THSD4: variants seen among roughly 807,000 people sequenced by gnomAD.
THSD4 encodes the protein thrombospondin type 1 domain containing 4, also known as thrombospondin type-1 domain-containing protein 4.
In THSD4, 69 loss-of-function variants were observed where a neutral mutation model predicts 119.0. That is an observed-to-expected ratio of 0.58 (90% confidence interval 0.48 to 0.71). THSD4 has a LOEUF of 0.71. Ranked by LOEUF, THSD4 falls within the 30% of genes least tolerant of loss-of-function variation. The pLI is 0.00. For missense variants in THSD4, 1,393 were observed against 1,391.1 expected (o/e 1.00, Z -0.02); for synonymous variants, 524 against 540.4 (o/e 0.97, Z 0.42).
intron 7 of THSD4, among the ~76,000 whole-genome samples, chr15:71,488,944 T>A (rs1435142363): frequency 6.6e-6 from 1 of 152,318 alleles, no homozygotes; most frequent in African/African-American, 2.4e-5. Context: ...GTTTATTTCT[T>A]TTCTCTTTTC....
intron 8 of THSD4, among the ~76,000 whole-genome samples, chr15:71,670,437 T>G (rs1301208986): frequency 6.6e-6 from 1 of 151,108 alleles, no homozygotes; most frequent in African/African-American, 2.4e-5. Context: ...TGCATAGTAT[T>G]CCATGGTGTA....
intron 7 of THSD4, among the ~76,000 whole-genome samples, chr15:71,555,152 T>C (rs1304655101): frequency 6.6e-6 from 1 of 152,220 alleles, no homozygotes; most frequent in East Asian, 1.9e-4. Flanking sequence ...AGGTGCTTGC[T>C]AGAACTTCCA....
At chr15:71,544,938 T>C (rs535715868) in intron 7 of THSD4, among the ~76,000 whole-genome samples, 84 of 152,324 alleles carry the variant, frequency 5.5e-4, no homozygotes, top group African/African-American at 2.0e-3. Context: ...ATTCCACTTA[T>C]ATGAAGTACC....
intron 8 of THSD4, among the ~76,000 whole-genome samples, 171 bp from the exon 9 acceptor site, chr15:71,728,378 G>C (rs914193322): frequency 6.6e-6 from 1 of 152,186 alleles, no homozygotes; most frequent in African/African-American, 2.4e-5. Flanking sequence ...AAGCCCAAGG[G>C]GATGTAATCT....
intron 3 of THSD4, among the ~76,000 whole-genome samples, chr15:71,181,289 A>G (rs527250645): frequency 1.1e-4 from 17 of 152,374 alleles, no homozygotes; most frequent in African/African-American, 4.1e-4. Flanking sequence ...TATTAAGAAA[A>G]GAATTTCAGT....
chr15:71,619,288 A>G (rs192714515), intron 7 of THSD4, among the ~76,000 whole-genome samples: 2 of 152,226 alleles, frequency 1.3e-5, no homozygotes, highest in East Asian at 1.9e-4. Context: ...ATTATTTTCT[A>G]TATCTTTCTG....
chr15:71,413,319 C>CTAAA lies in THSD4; in HGVS notation c.1152+1497_1152+1498insAAAT, dbSNP rs552647474. 4.2e-3 allele frequency among the ~76,000 whole-genome samples: 638 copies of CTAAA among 152,340 alleles called. 6 individuals are homozygous for CTAAA. Among genetic ancestry groups the CTAAA allele is most frequent in the Non-Finnish European group, 7.1e-3 (480 of 68,036 alleles). ...TGAGCCACCGCACCCAGCTTCTACT[C>CTAAA]TTTTAGTTTTCTTAAAATATACAAT... is the stretch of plus-strand genomic sequence containing the variant. On this transcript the variant is annotated intron_variant, in intron 7 of 17. Transcript: ENST00000261862.
At chr15:71,584,166 G>C (rs771259630) in intron 7 of THSD4, among the ~76,000 whole-genome samples, 3 of 145,650 alleles carry the variant, frequency 2.1e-5, no homozygotes, top group Non-Finnish European at 4.5e-5. Context: ...GATTTTCTTT[G>C]TCTCTTTTGA....
intron 8 of THSD4, among the ~76,000 whole-genome samples, chr15:71,693,510 TGTA>T (rs1310330970): frequency 1.3e-5 from 2 of 152,034 alleles, no homozygotes; most frequent in East Asian, 1.9e-4. Context: ...AGCCAGGTGT[TGTA>T]GTGCACACCG....
At chr15:71,770,348 A>T (rs1450491234) in intron 16 of THSD4, among the ~76,000 whole-genome samples, 2 of 18,060 alleles carry the variant, frequency 1.1e-4, no homozygotes, top group African/African-American at 5.9e-4. Context: ...ATGTCCTTTA[A>T]AAAAAAAAAA....
chr15:71,579,154 A>AG (rs1349487768), intron 7 of THSD4, among the ~76,000 whole-genome samples: 7 of 152,220 alleles, frequency 4.6e-5, no homozygotes, highest in Non-Finnish European at 8.8e-5. Context: ...TCAAACTAGC[A>AG]GTAATTATGT....
chr15:71,174,362 A>AAGAAAGGGGT, intron 3 of THSD4, among the ~76,000 whole-genome samples: 2 of 151,516 alleles, frequency 1.3e-5, no homozygotes, highest in Middle Eastern at 6.8e-3. Flanking sequence ...TTCCGAGTCA[A>AAGAAAGGGGT]AGAAAGGGGT....
At chr15:71,140,664 T>A (rs1017123477) in intron 1 of THSD4, among the ~76,000 whole-genome samples, 5 of 152,246 alleles carry the variant, frequency 3.3e-5, no homozygotes, top group Non-Finnish European at 7.3e-5. Context: ...TATAACAACC[T>A]GCAGGAGTTC....
chr15:71,137,955 G>T (rs1160033739), intron 1 of THSD4, among the ~76,000 whole-genome samples: 38 of 152,134 alleles, frequency 2.5e-4, no homozygotes, highest in Admixed American at 2.5e-3. Flanking sequence ...TGTTTTTCCG[G>T]TTGACATCTT....
At chr15:71,590,028 G>A (rs4777412) in intron 7 of THSD4, among the ~76,000 whole-genome samples, 16,812 of 138,848 alleles carry the variant, frequency 0.12, 3,771 homozygotes, top group Admixed American at 0.16. Flanking sequence ...CTAGATCTGT[G>A]CATATCAGTA....
intron 7 of THSD4, among the ~76,000 whole-genome samples, chr15:71,510,650 C>T (rs2048268185): frequency 6.6e-6 from 1 of 152,130 alleles, no homozygotes; most frequent in Non-Finnish European, 1.5e-5. Context: ...ATGAGATGGA[C>T]CTGAAGACAA....
At chr15:71,450,864 C>T (rs2047254263) in intron 7 of THSD4, among the ~76,000 whole-genome samples, 1 of 152,128 alleles carries the variant, frequency 6.6e-6, no homozygotes, top group Admixed American at 6.5e-5. Context: ...TATATTGCAT[C>T]CTGAGCTACA....
At chr15:71,674,071 G>T (rs1290949375) in intron 8 of THSD4, among the ~76,000 whole-genome samples, 1 of 152,238 alleles carries the variant, frequency 6.6e-6, no homozygotes, top group East Asian at 1.9e-4. Context: ...TGCTTCTTCT[G>T]TGCGTCTCCT....
chr15:71,249,322 A>G (rs2044236228), intron 5 of THSD4, among the ~76,000 whole-genome samples: 1 of 151,644 alleles, frequency 6.6e-6, no homozygotes, highest in Non-Finnish European at 1.5e-5. Flanking sequence ...GACTTCATAT[A>G]TGTATATATA....
Sources: gnomAD v4.1 joint callset for allele counts (sites outside exome capture counted in the v4.1 genomes callset) on GRCh38, gnomAD v4.1.1 for gene constraint, MANE v1.5 for transcripts, NCBI Gene and HGNC (gene_info 2026-07-23, HGNC 2026-07-21) for gene names.